The following POLQ variants were observed in gnomAD, a reference collection of about 807,000 sequenced individuals.
POLQ encodes the protein DNA polymerase theta.
In POLQ, 233 loss-of-function variants were observed where a neutral mutation model predicts 259.2. The ratio of observed to expected loss-of-function variants is 0.90; its 90% confidence interval spans 0.81 to 1.00. The LOEUF (loss-of-function observed/expected upper bound fraction) is 1.00, where lower values mean the gene tolerates loss of function less well. Ranked by LOEUF, POLQ falls within the 50% of genes least tolerant of loss-of-function variation. POLQ has a pLI of 0.00. For synonymous variants in POLQ, 1,025 were observed against 1,048.8 expected (o/e 0.98, Z 0.44); for missense variants, 2,871 against 3,051.6 (o/e 0.94, Z 1.39).
At chr3:121,509,524 C>A in intron 12 of POLQ, 37 bp downstream of exon 12, 1 of 1,554,546 alleles carries the variant, frequency 6.4e-7, no homozygotes, top group South Asian at 1.2e-5. Flanking sequence ...TTTTTTCTCC[C>A]TATTTTCACA....
In POLQ at chr3:121,481,636, C is replaced by T; in HGVS notation, c.6147G>A (p.Glu2049=). Residue 2049 remains glutamate (E), a synonymous_variant, in exon 19 of 30, where the codon GAG becomes GAA. Transcript: ENST00000264233. The part of the protein sequence containing the change: ...EHSGRYRASV[E]SILIFNSMNQ... ...TCATAGAGTTGAAGATGAGAATGGA[C>T]TCCACAGATGCTCTGTATCGCCCAG... The T allele has an allele frequency of 6.2e-7, 1 of 1,613,962 alleles. No individual in the cohort carries two copies. The highest frequency in any genetic ancestry group is 2.2e-5 in the East Asian group (1 of 44,872).
intron 7 of POLQ, 46 bp from the exon 8 acceptor site, chr3:121,522,195 CTTT>C (rs776129376): frequency 1.3e-5 from 18 of 1,395,978 alleles, no homozygotes; most frequent in Admixed American, 6.8e-5. Flanking sequence ...AACTCAGCTT[CTTT>C]AAGTGTATCT....
At chr3:121,457,806 C>G (rs2047755238) in intron 25 of POLQ, among the ~76,000 whole-genome samples, 1 of 151,922 alleles carries the variant, frequency 6.6e-6, no homozygotes, top group African/African-American at 2.4e-5. Flanking sequence ...ACTAGTTCAA[C>G]CATTGTGGAA....
chr3:121,506,754 G>A (rs1035357256), intron 12 of POLQ, among the ~76,000 whole-genome samples: 1 of 152,072 alleles, frequency 6.6e-6, no homozygotes, highest in African/African-American at 2.4e-5. Context: ...TTACATTTCA[G>A]TCTTTCCTAA....
chr3:121,472,957 C>T (rs2047897404), intron 21 of POLQ, among the ~76,000 whole-genome samples: 2 of 152,226 alleles, frequency 1.3e-5, no homozygotes. Flanking sequence ...GGTGCAGTGG[C>T]TCATGCCTGT....
At chr3:121,495,408 C>T (rs1180907081) in intron 14 of POLQ, among the ~76,000 whole-genome samples, 2 of 152,186 alleles carry the variant, frequency 1.3e-5, no homozygotes, top group Non-Finnish European at 2.9e-5. Context: ...AGCTCAATAG[C>T]TGCACTGTCT....
At position 121,458,286 on chromosome 3, in the gene POLQ, A is replaced by C. The variant is rs543665721; in HGVS notation, c.7152+1764T>G. Among the ~76,000 whole-genome samples the C allele has an allele frequency of 3.9e-5, 6 of 152,236 alleles. No homozygotes were observed. In the South Asian group the frequency reaches 8.3e-4, roughly 21 times the overall value. On this transcript the variant is annotated intron_variant, in intron 25 of 29. Coordinates refer to ENST00000264233, the MANE Select transcript of POLQ (RefSeq NM_199420.4). The stretch of plus-strand genomic sequence containing the variant: ...GCATTAGGAGATATACCTAATGCTA[A>C]ATGACGAGTTAATGGGTGCAGCACA...
chr3:121,507,018 G>A (rs1246613633), intron 12 of POLQ, among the ~76,000 whole-genome samples: 1 of 152,060 alleles, frequency 6.6e-6, no homozygotes, highest in African/African-American at 2.4e-5. Flanking sequence ...GCTACCCTCT[G>A]TATAAAAAAG....
At chr3:121,449,967 A>G (rs1488155669) in intron 25 of POLQ, among the ~76,000 whole-genome samples, 1 of 152,228 alleles carries the variant, frequency 6.6e-6, no homozygotes, top group Non-Finnish European at 1.5e-5. Context: ...AAAAACTCCT[A>G]AGAAAATTTC....
At chr3:121,508,680 G>A (rs985993492) in intron 12 of POLQ, among the ~76,000 whole-genome samples, 1 of 152,182 alleles carries the variant, frequency 6.6e-6, no homozygotes, top group Non-Finnish European at 1.5e-5. Flanking sequence ...ATGCGAGTTT[G>A]TAATAAAAGA....
chr3:121,485,123 G>C lies in POLQ; in HGVS notation c.5691C>G (p.Asp1897Glu). Residue 1897 changes from aspartate (D) to glutamate (E), a missense_variant, in exon 17 of 30, where the codon GAC becomes GAG. By Grantham distance (45) the Asp-to-Glu change is conservative. Coordinates refer to ENST00000264233, the MANE Select transcript of POLQ (RefSeq NM_199420.4). The stretch of plus-strand genomic sequence containing the variant: ...ATACTGCCAGTCCAACCACCAAGGT[G>C]TCATCACAACCTTTAATGGGAAATC... Reference protein sequence around the residue: ...DDGFPIKGCDDTLVVGLAVCW... With the variant: ...DDGFPIKGCDETLVVGLAVCW... The C allele has an allele frequency of 6.2e-7, 1 of 1,610,048 alleles. No homozygotes were observed. Among genetic ancestry groups the C allele is most frequent in the Non-Finnish European group, 8.5e-7 (1 of 1,176,682 alleles).
At chr3:121,521,415 T>C (rs542823100) in intron 8 of POLQ, among the ~76,000 whole-genome samples, 1 of 152,330 alleles carries the variant, frequency 6.6e-6, no homozygotes, top group East Asian at 1.9e-4. Flanking sequence ...ACATTTCTAA[T>C]GCATTTAAAA....
intron 5 of POLQ, among the ~76,000 whole-genome samples, chr3:121,534,147 A>T (rs1223657854): frequency 1.3e-5 from 2 of 152,136 alleles, no homozygotes; most frequent in African/African-American, 4.8e-5. Context: ...AAGTGTTGGA[A>T]TTACAGGCGT....
At chr3:121,452,695 G>A (rs892216665) in intron 25 of POLQ, among the ~76,000 whole-genome samples, 14 of 152,108 alleles carry the variant, frequency 9.2e-5, no homozygotes, top group Admixed American at 2.0e-4. Flanking sequence ...CCCAATGCCC[G>A]CCATTGCCCA....
At chr3:121,438,340 CTT>C (rs1206648056) in intron 27 of POLQ, among the ~76,000 whole-genome samples, 4 of 152,144 alleles carry the variant, frequency 2.6e-5, no homozygotes, top group Admixed American at 6.6e-5. Context: ...TTTTCACAAA[CTT>C]ATATGATTCA....
chr3:121,526,270 C>T (rs151174412), intron 7 of POLQ, among the ~76,000 whole-genome samples: 5 of 152,274 alleles, frequency 3.3e-5, no homozygotes, highest in East Asian at 1.9e-4. Context: ...ATCGATGAAA[C>T]GAATCCAGAG....
chr3:121,449,980 G>A (rs1217541337), intron 25 of POLQ, among the ~76,000 whole-genome samples: 1 of 152,160 alleles, frequency 6.6e-6, no homozygotes, highest in Non-Finnish European at 1.5e-5. Context: ...AAAATTTCGG[G>A]AGTAGTGAAG....
At chr3:121,459,386 T>G (rs1281567215) in intron 25 of POLQ, among the ~76,000 whole-genome samples, 3 of 144,628 alleles carry the variant, frequency 2.1e-5, no homozygotes, top group African/African-American at 5.1e-5. Context: ...TTTTTTTTTT[T>G]TTTTTTGTTT....
In POLQ at chr3:121,440,093, T is replaced by C; in HGVS notation, c.7288A>G (p.Thr2430Ala). ...CCGTCTCTTTTACAATTCTTCACTG[T>C]CTCTGTCATGAATTGATTAATCCCT... ...YTGINQFMTE[T>A]VKNCKRDGFV... Residue 2430 changes from threonine to alanine, a missense_variant, in exon 27 of 30, where the codon ACA becomes GCA. Transcript: ENST00000264233. 1.9e-6 allele frequency: 3 copies of C among 1,606,860 alleles called. No homozygotes were observed. Among genetic ancestry groups the C allele is most frequent in the Non-Finnish European group, 2.6e-6 (3 of 1,173,556 alleles).
Sources: allele counts gnomAD v4.1 joint callset (sites outside exome capture counted in the v4.1 genomes callset), GRCh38; gene constraint gnomAD v4.1.1; transcripts MANE v1.5; gene names NCBI Gene and HGNC (gene_info 2026-07-23, HGNC 2026-07-21).